The following ITPR1 variants were observed in gnomAD, a reference collection of about 807,000 sequenced individuals.
ITPR1 encodes the protein inositol 1,4,5-trisphosphate receptor type 1, also known as inositol 1,4,5-trisphosphate-gated calcium channel ITPR1.
In ITPR1, 96 loss-of-function variants were observed where a neutral mutation model predicts 318.4. That is an observed-to-expected ratio of 0.30 (90% CI 0.26 to 0.36). The LOEUF (loss-of-function observed/expected upper bound fraction) is 0.36. Ranked by LOEUF, ITPR1 falls within the 10% of genes least tolerant of loss-of-function variation. The pLI is 1.00. For missense variants in ITPR1, 2,440 were observed against 3,460.2 expected, an observed-to-expected ratio of 0.71 and a Z score of 7.40; for synonymous variants, 1,312 against 1,289.9, an observed-to-expected ratio of 1.02 and a Z score of -0.37.
Position 4,528,171 on chromosome 3 carries a change from C to A in ITPR1, c.163+7077C>A, listed in dbSNP as rs139038348. Among the ~76,000 whole-genome samples, 89 of 152,342 alleles carry A rather than the reference C, an allele frequency of 5.8e-4. No homozygotes were observed. In the East Asian group the frequency reaches 0.014, roughly 24 times the overall value. ...ACCTTGGAGAAGTGATTTCGTCTCT[C>A]TTAGCCTCAGTTTCCCCATCTGTTA... On this transcript the variant is annotated intron_variant, in intron 4 of 61. Coordinates refer to ENST00000649015, the MANE Select transcript of ITPR1 (RefSeq NM_001378452.1).
At chr3:4,507,122 A>G (rs999285436) in intron 2 of ITPR1, among the ~76,000 whole-genome samples, 8 of 149,308 alleles carry the variant, frequency 5.4e-5, no homozygotes, top group Non-Finnish European at 1.0e-4. Flanking sequence ...TTTTTTGCGA[A>G]TCACTTTGAG....
At chr3:4,798,099 C>T (rs376490851) in intron 53 of ITPR1, among the ~76,000 whole-genome samples, 1 of 152,094 alleles carries the variant, frequency 6.6e-6, no homozygotes, top group Non-Finnish European at 1.5e-5. Flanking sequence ...TTGTACTGGT[C>T]ACATTGATGA....
At chr3:4,606,150 T>A (rs1388193121) in intron 4 of ITPR1, among the ~76,000 whole-genome samples, 3 of 152,172 alleles carry the variant, frequency 2.0e-5, no homozygotes, top group African/African-American at 7.2e-5. Context: ...ATACAGGTTC[T>A]TAATGGTCAC....
At chr3:4,547,397 C>T (rs1030826631) in intron 4 of ITPR1, among the ~76,000 whole-genome samples, 50 of 152,250 alleles carry the variant, frequency 3.3e-4, no homozygotes, top group African/African-American at 1.2e-3. Context: ...ATGAAAAGAC[C>T]GTTCTTCACA....
intron 43 of ITPR1, 134 bp from the exon 44 acceptor site, chr3:4,735,030 G>A: frequency 2.9e-6 from 2 of 680,178 alleles, no homozygotes; most frequent in East Asian, 5.5e-5. Context: ...TATTTTCCTT[G>A]TGGGATTAAA....
chr3:4,842,808 C>T (rs967998293), intron 61 of ITPR1, among the ~76,000 whole-genome samples: 1 of 152,032 alleles, frequency 6.6e-6, no homozygotes, highest in African/African-American at 2.4e-5. Context: ...TATTATCTGA[C>T]AAAAATGCTA....
At chr3:4,819,938 A>T (rs190650929) in intron 60 of ITPR1, among the ~76,000 whole-genome samples, 1 of 152,326 alleles carries the variant, frequency 6.6e-6, no homozygotes, top group Non-Finnish European at 1.5e-5. Context: ...GTTCAGAAGG[A>T]GCTGAGCCAG....
chr3:4,672,736 C>A (rs1291197781), intron 20 of ITPR1, among the ~76,000 whole-genome samples: 1 of 152,190 alleles, frequency 6.6e-6, no homozygotes, highest in African/African-American at 2.4e-5. Context: ...TGTGTGATAT[C>A]TTGAACATTT....
At chr3:4,583,944 G>C (rs1353952882) in intron 4 of ITPR1, among the ~76,000 whole-genome samples, 3 of 151,976 alleles carry the variant, frequency 2.0e-5, no homozygotes, top group Non-Finnish European at 4.4e-5. Flanking sequence ...TGGCTTTTTT[G>C]CTTCGTCCAA....
intron 4 of ITPR1, among the ~76,000 whole-genome samples, chr3:4,526,197 C>G (rs2082964630): frequency 6.6e-6 from 1 of 152,098 alleles, no homozygotes; most frequent in Non-Finnish European, 1.5e-5. Context: ...TTGCAGGGAG[C>G]CCCTTAGTTT....
chr3:4,644,014 C>G, intron 7 of ITPR1, 122 bp from the exon 8 acceptor site: 1 of 672,514 alleles, frequency 1.5e-6, no homozygotes, highest in Non-Finnish European at 2.8e-6. Context: ...CATCTTTATA[C>G]TTGCTGGGGA....
At chr3:4,811,965 CCT>C (rs1255990900) in intron 56 of ITPR1, among the ~76,000 whole-genome samples, 4 of 151,904 alleles carry the variant, frequency 2.6e-5, no homozygotes, top group African/African-American at 9.7e-5. Flanking sequence ...TCTTTAGAAA[CCT>C]CCATGGAAAA....
intron 61 of ITPR1, among the ~76,000 whole-genome samples, chr3:4,844,403 C>T (rs1422348540): frequency 4.6e-5 from 7 of 152,096 alleles, no homozygotes; most frequent in South Asian, 2.1e-4. Flanking sequence ...GGATTACAGG[C>T]GTGAGCCCGC....
At chr3:4,643,174 C>G in intron 7 of ITPR1, among the ~76,000 whole-genome samples, 1 of 152,132 alleles carries the variant, frequency 6.6e-6, no homozygotes, top group Non-Finnish European at 1.5e-5. Context: ...GAAAGAAAAG[C>G]CCAGTAAAAC....
chr3:4,710,339 G>T lies in ITPR1; in HGVS notation c.4857G>T (p.Ala1619=). ...TTCCGTTTTAGGACATCGTCTCCGC[G>T]CTGGAGGACCGTCTCAGGCCCCTGG... ...IIERLQDIVS[A]LEDRLRPLVQ... Residue 1619 remains alanine, a synonymous_variant, in exon 38 of 62, where the codon GCG becomes GCT. Coordinates refer to ENST00000649015, the MANE Select transcript of ITPR1 (RefSeq NM_001378452.1). The surrounding 1 kb of genome is among the most constrained non-coding windows in gnomAD (Gnocchi z 4.2). The T allele has an allele frequency of 6.4e-7, 1 of 1,562,940 alleles. No individual in the cohort carries two copies. Among genetic ancestry groups the T allele is most frequent in the East Asian group, 2.4e-5 (1 of 42,550 alleles).
At chr3:4,601,414 G>A (rs1050463498) in intron 4 of ITPR1, among the ~76,000 whole-genome samples, 2 of 151,704 alleles carry the variant, frequency 1.3e-5, no homozygotes, top group Non-Finnish European at 2.9e-5. Flanking sequence ...AGCTACTCGG[G>A]AGGCTGAGGT....
chr3:4,630,613 T>A (rs2092986775), intron 5 of ITPR1, among the ~76,000 whole-genome samples: 1 of 149,814 alleles, frequency 6.7e-6, no homozygotes, highest in Non-Finnish European at 1.5e-5. Flanking sequence ...TAAGGCAGAG[T>A]CTCACTCTGT....
At chr3:4,831,942 G>C (rs1191608639) in intron 60 of ITPR1, among the ~76,000 whole-genome samples, 1 of 152,188 alleles carries the variant, frequency 6.6e-6, no homozygotes, top group African/African-American at 2.4e-5. Flanking sequence ...TGTTGGTGGG[G>C]AACCTTATAC....
intron 35 of ITPR1, 109 bp from the exon 36 acceptor site, chr3:4,702,721 C>G (rs1168871624): frequency 1.7e-6 from 2 of 1,206,744 alleles, no homozygotes; most frequent in Admixed American, 2.1e-5. Flanking sequence ...GTGTCTGTCT[C>G]TGATCTGGGG....
Sources: allele counts gnomAD v4.1 joint callset (sites outside exome capture counted in the v4.1 genomes callset), GRCh38; gene constraint gnomAD v4.1.1; non-coding constraint Gnocchi (gnomAD v3.1); transcripts MANE v1.5; gene names NCBI Gene and HGNC (gene_info 2026-07-23, HGNC 2026-07-21).